Variants in SLC39A11 observed in about 807,000 individuals in gnomAD.
SLC39A11 encodes zinc transporter ZIP11.
Under a neutral mutation model 36.1 loss-of-function variants are expected in SLC39A11, and 33 were observed. The ratio of observed to expected loss-of-function variants is 0.91; its 90% CI spans 0.69 to 1.22. The LOEUF is 1.22. Ranked by LOEUF, SLC39A11 falls within the 50% of genes most tolerant of loss-of-function variation. The pLI is 0.00. For synonymous variants in SLC39A11, 166 were observed against 170.3 expected, an observed-to-expected ratio of 0.97 and a Z score of 0.20; for missense variants, 432 against 430.3, an observed-to-expected ratio of 1.00 and a Z score of -0.03.
intron 5 of SLC39A11, among the ~76,000 whole-genome samples, chr17:72,915,976 C>T (rs936618947): frequency 6.6e-6 from 1 of 152,170 alleles, no homozygotes; most frequent in Non-Finnish European, 1.5e-5. Flanking sequence ...CACGTCTGGC[C>T]GTACCCAGTA....
chr17:72,842,102 GCAC>G (rs1567805222), intron 6 of SLC39A11, among the ~76,000 whole-genome samples: 1 of 151,166 alleles, frequency 6.6e-6, no homozygotes, highest in Non-Finnish European at 1.5e-5. Context: ...GTGTGTGTGT[GCAC>G]GCACGCGCAT....
In SLC39A11 at chr17:73,065,814, A is replaced by G. The variant is rs185267540; in HGVS notation, c.147+18994T>C. Among the ~76,000 whole-genome samples the G allele has an allele frequency of 1.8e-3, 267 of 152,336 alleles. 1 individual carries two copies. Among genetic ancestry groups the G allele is most frequent in the Admixed American group, 2.6e-3 (40 of 15,308 alleles). On this transcript the variant is annotated intron_variant, in intron 3 of 9. Transcript: ENST00000255559. The stretch of plus-strand genomic sequence containing the variant: ...TTCAAATTTTTTCCACCAATGTTTA[A>G]GTTAGTAAACTGAATAGACACTTAG...
intron 4 of SLC39A11, among the ~76,000 whole-genome samples, chr17:72,953,388 A>AGG (rs575053751): frequency 8.5e-4 from 130 of 152,312 alleles, no homozygotes; most frequent in African/African-American, 2.8e-3. Context: ...GAAGGAGGTG[A>AGG]GGGGGCAGGA....
chr17:72,649,872 C>CAAGT (rs2069771951), intron 7 of SLC39A11, among the ~76,000 whole-genome samples: 1 of 151,906 alleles, frequency 6.6e-6, no homozygotes, highest in Non-Finnish European at 1.5e-5. Flanking sequence ...GGATTATGGG[C>CAAGT]GTGAGCCACG....
At chr17:72,986,124 G>C (rs2088729917) in intron 4 of SLC39A11, among the ~76,000 whole-genome samples, 1 of 152,154 alleles carries the variant, frequency 6.6e-6, no homozygotes, top group South Asian at 2.1e-4. Context: ...CTAGCCTCTA[G>C]AACTGAGACA....
At chr17:72,748,634 T>C (rs2075037972) in intron 6 of SLC39A11, among the ~76,000 whole-genome samples, 1 of 152,168 alleles carries the variant, frequency 6.6e-6, no homozygotes, top group Non-Finnish European at 1.5e-5. Flanking sequence ...AAACAACAGG[T>C]GAAGGCATCT....
At chr17:72,965,350 C>T (rs897730328) in intron 4 of SLC39A11, among the ~76,000 whole-genome samples, 22 of 151,984 alleles carry the variant, frequency 1.4e-4, no homozygotes, top group Admixed American at 9.2e-4. Flanking sequence ...AAAGTATGGA[C>T]GATCCCTGGT....
chr17:72,952,592 A>G lies in SLC39A11; in HGVS notation c.307-4717T>C, dbSNP rs559251726. Reference sequence around the variant, plus strand: ...ATACAGCCTTGGCCCGTGCATGAGGAACCAAGGCCCTCAGGGAGAAATTCC... The same window carrying G: ...ATACAGCCTTGGCCCGTGCATGAGGGACCAAGGCCCTCAGGGAGAAATTCC... On this transcript the variant is annotated intron_variant, in intron 4 of 9. Transcript: ENST00000255559. 3.3e-5 allele frequency among the ~76,000 whole-genome samples: 5 copies of G among 152,292 alleles called. No individual in the cohort carries two copies. In the South Asian group the frequency reaches 1.0e-3, roughly 32 times the overall value.
intron 6 of SLC39A11, among the ~76,000 whole-genome samples, chr17:72,812,039 T>G (rs1049280893): frequency 3.3e-5 from 5 of 152,242 alleles, no homozygotes; most frequent in Non-Finnish European, 7.3e-5. Context: ...AGAGAGTTAT[T>G]TCTACCAATG....
At chr17:72,908,512 G>A (rs8077554) in intron 5 of SLC39A11, among the ~76,000 whole-genome samples, 19,092 of 152,138 alleles carry the variant, frequency 0.13, 1,710 homozygotes, top group African/African-American at 0.25. Context: ...CTCTGCCAAG[G>A]GCAGGAGAAC....
chr17:72,997,410 C>A (rs976996998), intron 4 of SLC39A11, among the ~76,000 whole-genome samples: 3 of 152,168 alleles, frequency 2.0e-5, no homozygotes, highest in African/African-American at 7.2e-5. Flanking sequence ...GCCACCACCA[C>A]GCCCGGCTAA....
chr17:73,050,446 G>T (rs1242405184), intron 3 of SLC39A11, among the ~76,000 whole-genome samples: 2 of 149,254 alleles, frequency 1.3e-5, no homozygotes, highest in Non-Finnish European at 3.0e-5. Flanking sequence ...TAGGAGCAGG[G>T]AGCCATGTGA....
chr17:72,850,821 T>C (rs776782152), intron 5 of SLC39A11, among the ~76,000 whole-genome samples: 11 of 152,182 alleles, frequency 7.2e-5, no homozygotes, highest in Admixed American at 2.6e-4. Flanking sequence ...TTATTGTTAG[T>C]ATCATGTTCC....
At chr17:73,050,462 C>CTTTTTTTTTTT (rs558193911) in intron 3 of SLC39A11, among the ~76,000 whole-genome samples, 2 of 124,322 alleles carry the variant, frequency 1.6e-5, no homozygotes, top group African/African-American at 3.1e-5. Flanking sequence ...TGTGAACTGA[C>CTTTTTTTTTTT]TTTTTTTTTT....
intron 4 of SLC39A11, among the ~76,000 whole-genome samples, chr17:72,991,656 G>A (rs1181451914): frequency 6.6e-6 from 1 of 152,176 alleles, no homozygotes; most frequent in African/African-American, 2.4e-5. Flanking sequence ...ACTGGGCCCG[G>A]CCATGCAACT....
chr17:73,014,198 T>C (rs2090683290), intron 4 of SLC39A11, among the ~76,000 whole-genome samples: 1 of 152,156 alleles, frequency 6.6e-6, no homozygotes, highest in East Asian at 1.9e-4. Context: ...AGTCTCACAC[T>C]ACCCCGTCCT....
chr17:72,700,480 CG>C (rs1378970763), intron 7 of SLC39A11, among the ~76,000 whole-genome samples: 1 of 152,208 alleles, frequency 6.6e-6, no homozygotes, highest in African/African-American at 2.4e-5. Context: ...CAAGATACAC[CG>C]CCATGAAAGG....
intron 4 of SLC39A11, among the ~76,000 whole-genome samples, chr17:72,959,311 A>ATGTGTGTGTGTGTGTGTGTG (rs1214552224): frequency 1.6e-4 from 15 of 92,578 alleles, no homozygotes; most frequent in African/African-American, 5.9e-4. Flanking sequence ...TGGTGTATGT[A>ATGTGTGTGTGTGTGTGTGTG]TGTGTGTGTG....
chr17:72,902,088 A>G (rs997516743), intron 5 of SLC39A11, among the ~76,000 whole-genome samples: 6 of 152,086 alleles, frequency 3.9e-5, no homozygotes, highest in African/African-American at 9.7e-5. Flanking sequence ...CCTGGCCAAC[A>G]TGGTAAAACC....
Sources: gnomAD v4.1 joint callset for allele counts (sites outside exome capture counted in the v4.1 genomes callset) on GRCh38, gnomAD v4.1.1 for gene constraint, MANE v1.5 for transcripts, NCBI Gene and HGNC (gene_info 2026-07-23, HGNC 2026-07-21) for gene names.